The following SOX5 variants were observed in gnomAD, a reference collection of about 807,000 sequenced individuals.
SOX5 encodes the protein SRY-box transcription factor 5.
A neutral mutation model predicts 92.0 loss-of-function variants in SOX5; 9 were observed. That is an observed-to-expected ratio of 0.10 (90% CI 0.06 to 0.17). The LOEUF is 0.17. SOX5 is among the 10% of genes least tolerant of loss of function. SOX5 has a pLI of 1.00. For synonymous variants in SOX5, 344 were observed against 336.3 expected, an observed-to-expected ratio of 1.02 and a Z score of -0.25; for missense variants, 642 against 944.5, an observed-to-expected ratio of 0.68 and a Z score of 4.20.
intron 6 of SOX5, among the ~76,000 whole-genome samples, chr12:23,667,571 A>G (rs2084020407): frequency 6.6e-6 from 1 of 152,192 alleles, no homozygotes; most frequent in South Asian, 2.1e-4. Flanking sequence ...CATGCTAATG[A>G]GGAAATAAGA....
At chr12:24,155,801 G>A (rs1952104763) in intron 4 of SOX5, among the ~76,000 whole-genome samples, 2 of 152,148 alleles carry the variant, frequency 1.3e-5, no homozygotes, top group African/African-American at 4.8e-5. Context: ...TAAGCATGGA[G>A]CAGTTTGAGG....
At chr12:24,051,505 T>C (rs944179156) in intron 4 of SOX5, among the ~76,000 whole-genome samples, 1 of 152,158 alleles carries the variant, frequency 6.6e-6, no homozygotes, top group African/African-American at 2.4e-5. Context: ...ACCATAATCA[T>C]ATGGAATTCA....
chr12:23,638,858 T>G (rs2079627079), intron 8 of SOX5, among the ~76,000 whole-genome samples: 1 of 151,084 alleles, frequency 6.6e-6, no homozygotes, highest in African/African-American at 2.4e-5. Context: ...GGCATGTGTT[T>G]GTTCTGAATA....
chr12:24,027,467 A>T (rs1324956441), intron 4 of SOX5, among the ~76,000 whole-genome samples: 1 of 151,964 alleles, frequency 6.6e-6, no homozygotes, highest in Admixed American at 6.6e-5. Context: ...ATTATCCCCA[A>T]CATGCAGTAA....
chr12:23,823,359 C>T (rs1410200571), intron 3 of SOX5, among the ~76,000 whole-genome samples: 1 of 152,136 alleles, frequency 6.6e-6, no homozygotes, highest in Non-Finnish European at 1.5e-5. Context: ...GATTTTATTT[C>T]TCCTTCACTT....
intron 4 of SOX5, among the ~76,000 whole-genome samples, chr12:24,163,532 G>T (rs989805712): frequency 2.2e-5 from 3 of 139,478 alleles, no homozygotes; most frequent in East Asian, 4.2e-4. Context: ...TATTTATTCC[G>T]AGCTTTATTC....
At chr12:23,628,667 C>T (rs541916980) in intron 8 of SOX5, among the ~76,000 whole-genome samples, 1 of 151,986 alleles carries the variant, frequency 6.6e-6, no homozygotes, top group East Asian at 1.9e-4. Flanking sequence ...AGAGAAAGGT[C>T]AAGATTAAGA....
chr12:24,269,228 G>T (rs1410585648), intron 3 of SOX5, among the ~76,000 whole-genome samples: 7 of 152,184 alleles, frequency 4.6e-5, no homozygotes, highest in Non-Finnish European at 1.0e-4. Flanking sequence ...TTGCTTATTT[G>T]CAAGTAAAAG....
intron 9 of SOX5, among the ~76,000 whole-genome samples, chr12:23,594,892 A>C (rs993969341): frequency 7.2e-5 from 11 of 152,062 alleles, no homozygotes; most frequent in Admixed American, 5.2e-4. Context: ...TTAGACCTTT[A>C]CAGGTGTCCT....
intron 13 of SOX5, among the ~76,000 whole-genome samples, chr12:23,537,240 A>G (rs1207769281): frequency 6.6e-6 from 1 of 152,184 alleles, no homozygotes; most frequent in Non-Finnish European, 1.5e-5. Flanking sequence ...GGTAACTACT[A>G]TGTGCCAGAC....
At chr12:24,087,562 G>A (rs1944155365) in intron 4 of SOX5, among the ~76,000 whole-genome samples, 2 of 152,058 alleles carry the variant, frequency 1.3e-5, no homozygotes, top group African/African-American at 4.8e-5. Context: ...TTGACAAAAT[G>A]ATTAAAATGG....
chr12:24,176,654 T>C (rs540728507), intron 4 of SOX5, among the ~76,000 whole-genome samples: 1 of 152,290 alleles, frequency 6.6e-6, no homozygotes, highest in Admixed American at 6.5e-5. Context: ...ATGAAGACAG[T>C]CCACTGCTAC....
chr12:24,305,400 T>A (rs1948455349), intron 2 of SOX5, among the ~76,000 whole-genome samples: 2 of 152,170 alleles, frequency 1.3e-5, no homozygotes, highest in Admixed American at 1.3e-4. Context: ...AGATGGGGGT[T>A]CATGAATCAT....
At position 24,267,625 on chromosome 12, in the gene SOX5, G is replaced by T. The variant is rs373314920; in HGVS notation, c.-77+9591C>A. Among the ~76,000 whole-genome samples, 16 of 152,096 alleles carry T rather than the reference G, an allele frequency of 1.1e-4. No individual in the cohort carries two copies. In the South Asian group the frequency reaches 1.7e-3, roughly 16 times the overall value. Reference sequence around the variant, plus strand: ...AGAAAGTACTATGAAAACAGTTTGGGTTCATGGTTTTTACTTAAATTATTC... The same window carrying T: ...AGAAAGTACTATGAAAACAGTTTGGTTTCATGGTTTTTACTTAAATTATTC... On this transcript the variant is annotated intron_variant, in intron 3 of 4. Coordinates refer to the SOX5 transcript ENST00000446891.
chr12:23,894,878 A>G lies in SOX5; in HGVS notation c.270+915T>C, dbSNP rs371133189. On this transcript the variant is annotated intron_variant, in intron 2 of 14. Transcript: ENST00000451604. ...GGTGTAATTCAGGTTCAAATTAACA[A>G]CACTAACATCCTTAAAGTAGAAAAG... 2.6e-5 allele frequency among the ~76,000 whole-genome samples: 4 copies of G among 152,194 alleles called. No homozygotes were observed. The South Asian group carries it at 8.3e-4, about 32-fold the overall frequency.
intron 11 of SOX5, among the ~76,000 whole-genome samples, chr12:23,548,465 A>G (rs2136108223): frequency 6.6e-6 from 1 of 152,212 alleles, no homozygotes; most frequent in East Asian, 1.9e-4. Flanking sequence ...TCAGTGGGAC[A>G]TAGTGGAAGT....
At chr12:23,974,467 C>T (rs1434697522) in intron 4 of SOX5, among the ~76,000 whole-genome samples, 1 of 152,016 alleles carries the variant, frequency 6.6e-6, no homozygotes, top group Admixed American at 6.6e-5. Flanking sequence ...GAAAAAAAAT[C>T]GCCAAAATAC....
Position 23,563,409 on chromosome 12 carries a change from C to T in SOX5, c.1343-6G>A, listed in dbSNP as rs1946546491. ...ATCATGGTCATTTAAGTAACCTGAA[C>T]ATGAGACAGATCAAAGGATATCTTT... is the stretch of plus-strand genomic sequence containing the variant. On this transcript the variant is annotated splice_region_variant and splice_polypyrimidine_tract_variant and intron_variant, in intron 10 of 14. Transcript: ENST00000451604. 1 of 1,612,994 alleles carries T rather than the reference C, an allele frequency of 6.2e-7. No individual in the cohort carries two copies. The highest frequency in any genetic ancestry group is 8.5e-7 in the Non-Finnish European group (1 of 1,179,354).
At chr12:24,171,239 T>C (rs1183583162) in intron 4 of SOX5, among the ~76,000 whole-genome samples, 41 of 133,110 alleles carry the variant, frequency 3.1e-4, no homozygotes, top group Non-Finnish European at 5.5e-4. Flanking sequence ...GTTTTTTTTT[T>C]TGGAGACAGA....
Sources: allele counts gnomAD v4.1 joint callset (sites outside exome capture counted in the v4.1 genomes callset), GRCh38; gene constraint gnomAD v4.1.1; transcripts MANE v1.5; gene names NCBI Gene and HGNC (gene_info 2026-07-23, HGNC 2026-07-21).